Variants in MTMR2 observed in about 807,000 individuals in gnomAD.
MTMR2 encodes phosphatidylinositol-3,5-bisphosphate 3-phosphatase MTMR2.
MTMR2 carries 55 observed loss-of-function variants against 86.9 expected under a neutral mutation model. The ratio of observed to expected loss-of-function variants is 0.63; its 90% confidence interval spans 0.51 to 0.79. MTMR2 has a LOEUF of 0.79. Ranked by LOEUF, MTMR2 falls within the 30% of genes least tolerant of loss-of-function variation. The pLI, the probability that MTMR2 is intolerant of heterozygous loss-of-function variation, is 0.00. For missense variants in MTMR2, 659 were observed against 772.3 expected (o/e 0.85, Z 1.74); for synonymous variants, 241 against 266.8 (o/e 0.90, Z 0.94).
At chr11:95,856,198 A>T (rs1864204467) in intron 7 of MTMR2, among the ~76,000 whole-genome samples, 1 of 151,426 alleles carries the variant, frequency 6.6e-6, no homozygotes, top group African/African-American at 2.4e-5. Context: ...TCAGGAAACC[A>T]ATAATATCAT....
chr11:95,879,197 T>C (rs2135525796), intron 2 of MTMR2, among the ~76,000 whole-genome samples: 1 of 152,092 alleles, frequency 6.6e-6, no homozygotes, highest in East Asian at 1.9e-4. Flanking sequence ...CAAAAAGAGA[T>C]GACAGCTGAA....
intron 3 of MTMR2, among the ~76,000 whole-genome samples, chr11:95,862,704 T>C (rs1189931319): frequency 6.6e-6 from 1 of 152,166 alleles, no homozygotes; most frequent in Non-Finnish European, 1.5e-5. Context: ...GTAATGGTGG[T>C]ATCAACAATA....
chr11:95,902,926 C>A (rs1866125199), intron 1 of MTMR2, among the ~76,000 whole-genome samples: 1 of 152,162 alleles, frequency 6.6e-6, no homozygotes, highest in Admixed American at 6.5e-5. Context: ...TTGTTGACAT[C>A]ATTTGCCTGT....
chr11:95,880,149 A>T (rs1591016975), intron 2 of MTMR2, among the ~76,000 whole-genome samples: 3 of 151,944 alleles, frequency 2.0e-5, no homozygotes, highest in Non-Finnish European at 2.9e-5. Flanking sequence ...AGACATGTAA[A>T]AGGTACTAGG....
chr11:95,843,973 C>G (rs1188562058), intron 11 of MTMR2, among the ~76,000 whole-genome samples: 1 of 152,150 alleles, frequency 6.6e-6, no homozygotes, highest in African/African-American at 2.4e-5. Flanking sequence ...AGAATCATTA[C>G]TCTACATTAA....
At chr11:95,912,722 T>C (rs1866556653) in intron 1 of MTMR2, among the ~76,000 whole-genome samples, 3 of 151,880 alleles carry the variant, frequency 2.0e-5, no homozygotes, top group Non-Finnish European at 4.4e-5. Context: ...ATATCAACTA[T>C]AAAATATAGT....
chr11:95,900,768 C>T (rs1282440942), intron 1 of MTMR2, among the ~76,000 whole-genome samples: 1 of 152,134 alleles, frequency 6.6e-6, no homozygotes, highest in Non-Finnish European at 1.5e-5. Context: ...TACACAATAC[C>T]AGACATTTAG....
chr11:95,906,526 T>C (rs1185647687), intron 1 of MTMR2, among the ~76,000 whole-genome samples: 1 of 152,114 alleles, frequency 6.6e-6, no homozygotes, highest in African/African-American at 2.4e-5. Context: ...AGAGCTAAAC[T>C]CAACACTTGA....
chr11:95,919,175 C>T (rs879122256), intron 1 of MTMR2, among the ~76,000 whole-genome samples: 1 of 152,116 alleles, frequency 6.6e-6, no homozygotes, highest in Admixed American at 6.6e-5. Context: ...GAGGCTAAAA[C>T]TAAAGATGAG....
chr11:95,848,792 A>G (rs955234134), intron 9 of MTMR2, among the ~76,000 whole-genome samples: 17 of 152,174 alleles, frequency 1.1e-4, no homozygotes, highest in Admixed American at 1.1e-3. Flanking sequence ...CCTTTCTGAC[A>G]CTGAGAGTCT....
intron 12 of MTMR2, among the ~76,000 whole-genome samples, chr11:95,839,847 A>G (rs1252457153): frequency 6.6e-6 from 1 of 152,192 alleles, no homozygotes; most frequent in Non-Finnish European, 1.5e-5. Context: ...ATATACAGAA[A>G]AACACTAGGT....
chr11:95,865,654 A>C lies in MTMR2; in HGVS notation c.209T>G (p.Leu70Ter). ...DLRVLRESNK[L>*]AEMEEPPLLP... ...CAAGGGTGGTTCTTCCATTTCTGCT[A>C]ACTTGTTAGACTCCCTCAGGACCTG... is the stretch of plus-strand genomic sequence containing the variant. The change falls in exon 3 of 15, where the codon TTA becomes TGA. Residue 70 changes from leucine (L) to a stop codon, truncating the protein, a stop_gained. Coordinates refer to ENST00000346299, the MANE Select transcript of MTMR2 (RefSeq NM_016156.6). LOFTEE classifies it high-confidence loss of function. 6.2e-7 allele frequency: 1 copy of C among 1,613,908 alleles called. No individual in the cohort carries two copies. The highest frequency in any genetic ancestry group is 8.5e-7 in the Non-Finnish European group (1 of 1,179,804).
At chr11:95,923,820 C>CG (rs1317389368) in intron 1 of MTMR2, 55 bp downstream of exon 1, 2 of 1,532,850 alleles carry the variant, frequency 1.3e-6, no homozygotes, top group Non-Finnish European at 1.8e-6. Context: ...AGCAGGTCCC[C>CG]GGCCCCTCTC....
chr11:95,870,575 G>A (rs1864818977), intron 2 of MTMR2, among the ~76,000 whole-genome samples: 1 of 151,966 alleles, frequency 6.6e-6, no homozygotes, highest in Non-Finnish European at 1.5e-5. Flanking sequence ...AATACTTGAT[G>A]ATTTTTACTT....
rs567982609 is a variant in MTMR2, at chr11:95,847,909, A to G, written c.994-10T>C. On this transcript the variant is annotated splice_polypyrimidine_tract_variant and intron_variant, in intron 9 of 14. Coordinates refer to ENST00000346299, the MANE Select transcript of MTMR2 (RefSeq NM_016156.6). ...AACCTCCACCCTTTGCCTGGAAAAA[A>G]GCACACATCATGGAAAATCATAAAT... 1.2e-6 allele frequency: 2 copies of G among 1,612,700 alleles called. No individual in the cohort carries two copies. Among genetic ancestry groups the G allele is most frequent in the Admixed American group, 1.7e-5 (1 of 59,988 alleles).
intron 2 of MTMR2, among the ~76,000 whole-genome samples, chr11:95,870,342 T>C (rs1277724706): frequency 6.6e-6 from 1 of 151,800 alleles, no homozygotes; most frequent in Non-Finnish European, 1.5e-5. Context: ...TGACCAGTCA[T>C]GTAAAAAAAA....
intron 2 of MTMR2, among the ~76,000 whole-genome samples, chr11:95,880,464 A>G (rs1418199383): frequency 6.6e-6 from 1 of 152,002 alleles, no homozygotes; most frequent in Non-Finnish European, 1.5e-5. Context: ...GACTTTCTAC[A>G]TTAGTAAAAC....
chr11:95,904,493 T>C (rs371669004), intron 1 of MTMR2, among the ~76,000 whole-genome samples: 5 of 152,136 alleles, frequency 3.3e-5, no homozygotes, highest in African/African-American at 1.2e-4. Flanking sequence ...CAGGATGAGA[T>C]AAGAGGTCGG....
chr11:95,838,401 GT>G (rs1190109801), intron 12 of MTMR2, among the ~76,000 whole-genome samples, 194 bp from the exon 13 acceptor site: 1 of 151,954 alleles, frequency 6.6e-6, no homozygotes, highest in Non-Finnish European at 1.5e-5. Flanking sequence ...TGATCATGAT[GT>G]TTCTGTATCT....
Sources: allele counts gnomAD v4.1 joint callset (sites outside exome capture counted in the v4.1 genomes callset), GRCh38; gene constraint gnomAD v4.1.1; transcripts MANE v1.5; gene names NCBI Gene and HGNC (gene_info 2026-07-23, HGNC 2026-07-21).